The following ITM2B variants were observed in gnomAD, a reference collection of about 807,000 sequenced individuals.
The protein encoded by ITM2B is integral membrane protein 2B, also known as ABri/ADan amyloid peptide.
ITM2B carries 11 observed loss-of-function variants against 27.8 expected under a neutral mutation model. The observed-to-expected ratio is 0.40, with a 90% CI of 0.25 to 0.66. The LOEUF is 0.66. Ranked by LOEUF, ITM2B falls within the 30% of genes least tolerant of loss-of-function variation. The probability of loss-of-function intolerance (pLI) is 0.43; values close to 1 mark genes in which losing one functional copy is unlikely to be tolerated. For synonymous variants in ITM2B, 114 were observed against 114.3 expected (o/e 1.00, Z 0.02); for missense variants, 296 against 328.9 (o/e 0.90, Z 0.77).
intron 1 of ITM2B, among the ~76,000 whole-genome samples, chr13:48,238,695 A>G (rs527244628): frequency 6.6e-6 from 1 of 152,306 alleles, no homozygotes; most frequent in South Asian, 2.1e-4. Context: ...GGTGGTGGAT[A>G]TTTTGTACTT....
Position 48,261,927 on chromosome 13 carries a change from A to C in ITM2B, c.*703A>C, listed in dbSNP as rs558422474. 1 of 152,696 alleles carries C rather than the reference A, an allele frequency of 6.5e-6. No individual in the cohort carries two copies. Among genetic ancestry groups the C allele is most frequent in the African/African-American group, 2.4e-5 (1 of 41,566 alleles). The allele number at this position is 152,696 out of a possible 1,614,324, so 9.5% of individuals were successfully genotyped here. Reference sequence around the variant, plus strand: ...AAACCAAAGAATAGTTTGGTTCTTCAAATCTTAAGAGAATCCACATAAAAG... The same window carrying C: ...AAACCAAAGAATAGTTTGGTTCTTCCAATCTTAAGAGAATCCACATAAAAG... On this transcript the variant is annotated 3_prime_UTR_variant, in exon 6 of 6. Coordinates refer to ENST00000647800, the MANE Select transcript of ITM2B (RefSeq NM_021999.5).
At chr13:48,260,871 A>G (rs1020272667) in intron 5 of ITM2B, among the ~76,000 whole-genome samples, 1 of 152,154 alleles carries the variant, frequency 6.6e-6, no homozygotes, top group Non-Finnish European at 1.5e-5. Context: ...GTCAAGATAC[A>G]GAACATTTTC....
At chr13:48,259,487 C>T (rs1329604256) in intron 5 of ITM2B, among the ~76,000 whole-genome samples, 1 of 152,110 alleles carries the variant, frequency 6.6e-6, no homozygotes, top group Non-Finnish European at 1.5e-5. Context: ...ACAGTATCTC[C>T]CCATTTCCTT....
At chr13:48,251,028 T>C (rs980714552) in intron 1 of ITM2B, among the ~76,000 whole-genome samples, 1 of 152,210 alleles carries the variant, frequency 6.6e-6, no homozygotes, top group Non-Finnish European at 1.5e-5. Context: ...CTCAAGAAAT[T>C]GAATTTTAAA....
intron 5 of ITM2B, among the ~76,000 whole-genome samples, chr13:48,260,712 A>G (rs9332302): frequency 0.028 from 4,261 of 151,982 alleles, 196 homozygotes; most frequent in African/African-American, 0.097. Flanking sequence ...TTTCTTTTTT[A>G]TTGCTGTGTT....
chr13:48,252,897 A>C (rs1395779368), intron 1 of ITM2B, among the ~76,000 whole-genome samples: 1 of 152,224 alleles, frequency 6.6e-6, no homozygotes, highest in Non-Finnish European at 1.5e-5. Context: ...CTTGGGTACA[A>C]ATCAGAAATT....
intron 1 of ITM2B, among the ~76,000 whole-genome samples, chr13:48,248,043 A>G (rs1403159970): frequency 6.6e-6 from 1 of 152,172 alleles, no homozygotes; most frequent in African/African-American, 2.4e-5. Context: ...TAGGCCAGGT[A>G]AAGTTATATA....
chr13:48,246,768 A>G (rs1184040350), intron 1 of ITM2B, among the ~76,000 whole-genome samples: 1 of 152,198 alleles, frequency 6.6e-6, no homozygotes, highest in Non-Finnish European at 1.5e-5. Flanking sequence ...GTCTCCAAGT[A>G]GAGAGAAAAA....
In ITM2B at chr13:48,263,111, T is replaced by TA. The variant is rs1431377322; in HGVS notation, c.*1888dup. The TA allele has an allele frequency of 5.3e-5, 8 of 152,200 alleles. No homozygotes were observed. The highest frequency in any genetic ancestry group is 1.9e-4 in the African/African-American group (8 of 41,444). 9.4% of individuals were successfully genotyped at this position (152,200 alleles called of 1,614,324 possible). ...CTCCAGACTCCCAGGGACCCAAACTTACACTTTACTAAATGTAATTCTTTC... is the reference window on the plus strand; with the variant it reads ...CTCCAGACTCCCAGGGACCCAAACTTAACACTTTACTAAATGTAATTCTTTC... On this transcript the variant is annotated 3_prime_UTR_variant, in exon 6 of 6. Transcript: ENST00000647800.
In ITM2B at chr13:48,258,687, G is replaced by T. The variant is rs544226712; in HGVS notation, c.565-110G>T. 91 of 1,000,986 alleles carry T rather than the reference G, an allele frequency of 9.1e-5. 3 individuals are homozygous for T. The South Asian group carries it at 9.5e-4, about 10-fold the overall frequency. The allele number at this position is 1,000,986 out of a possible 1,614,324, so 62.0% of individuals were successfully genotyped here. ...ATAAACAAACAGATGGTGGGTAGTAGTTTGGCAACCTGTTCCATACCATAA... is the reference window on the plus strand; with the variant it reads ...ATAAACAAACAGATGGTGGGTAGTATTTTGGCAACCTGTTCCATACCATAA... On this transcript the variant is annotated intron_variant, in intron 4 of 5. Transcript: ENST00000647800.
rs1295175099 is a variant in ITM2B, at chr13:48,269,851, T to C, written c.*8627T>C. The C allele has an allele frequency of 6.6e-6, 1 of 152,300 alleles. No homozygotes were observed. Among genetic ancestry groups the C allele is most frequent in the Non-Finnish European group, 1.5e-5 (1 of 68,088 alleles). The allele number at this position is 152,300 out of a possible 1,614,324, so 9.4% of individuals were successfully genotyped here. A position where few individuals can be genotyped will look rare whatever the true frequency, so the allele number is the denominator to read the frequency against. ...GATTAGCACAATGCAGGCCAGACCA[T>C]GAAGACTGTTTCAAGTTCGAGGATG... On this transcript the variant is annotated 3_prime_UTR_variant, in exon 6 of 6. Coordinates refer to ENST00000647800, the MANE Select transcript of ITM2B (RefSeq NM_021999.5).
chr13:48,248,335 T>C (rs1011365691), intron 1 of ITM2B, among the ~76,000 whole-genome samples: 2 of 152,030 alleles, frequency 1.3e-5, no homozygotes, highest in African/African-American at 4.8e-5. Context: ...AGGATCTTGC[T>C]ATGTTGCCCA....
intron 1 of ITM2B, among the ~76,000 whole-genome samples, chr13:48,241,139 T>A (rs917692596): frequency 6.6e-6 from 1 of 152,220 alleles, no homozygotes; most frequent in African/African-American, 2.4e-5. Context: ...TGGCCTGGCA[T>A]CCTTGTACTG....
At chr13:48,258,266 T>G in intron 4 of ITM2B, 30 bp downstream of exon 4, 3 of 1,053,886 alleles carry the variant, frequency 2.8e-6, no homozygotes, top group Non-Finnish European at 3.0e-6. Flanking sequence ...TTTTGATGAA[T>G]GATGCCTTCA....
chr13:48,236,475 G>A (rs372968927), intron 1 of ITM2B, among the ~76,000 whole-genome samples: 3 of 152,172 alleles, frequency 2.0e-5, no homozygotes, highest in African/African-American at 7.2e-5. Context: ...CAGATGGCCT[G>A]TAAGGATTCT....
intron 1 of ITM2B, among the ~76,000 whole-genome samples, chr13:48,244,487 A>G (rs929440635): frequency 1.3e-5 from 2 of 152,216 alleles, no homozygotes; most frequent in African/African-American, 2.4e-5. Context: ...TATTTTTTCT[A>G]GTAGTCATCT....
chr13:48,264,635 T>C lies in ITM2B; in HGVS notation c.*3411T>C, dbSNP rs1327170435. On this transcript the variant is annotated 3_prime_UTR_variant, in exon 6 of 6. Transcript: ENST00000647800. Reference sequence around the variant, plus strand: ...TATTGCACACTAATCTTTGCATGTTTAACTCTTTGGGACTTAGGTTCCTAG... The same window carrying C: ...TATTGCACACTAATCTTTGCATGTTCAACTCTTTGGGACTTAGGTTCCTAG... 1 of 152,218 alleles carries C rather than the reference T, an allele frequency of 6.6e-6. No individual in the cohort carries two copies. Among genetic ancestry groups the C allele is most frequent in the Non-Finnish European group, 1.5e-5 (1 of 68,028 alleles). The allele number at this position is 152,218 out of a possible 1,614,324, so 9.4% of individuals were successfully genotyped here.
At position 48,241,802 on chromosome 13, in the gene ITM2B, C is replaced by T. The variant is rs530408309; in HGVS notation, c.117+8325C>T. 4.6e-5 allele frequency among the ~76,000 whole-genome samples: 7 copies of T among 152,222 alleles called. No individual in the cohort carries two copies. The South Asian group carries it at 1.2e-3, about 27-fold the overall frequency. On this transcript the variant is annotated intron_variant, in intron 1 of 5. Transcript: ENST00000647800. ...ATGGTGCTTAGCTTCTGGAAAATTG[C>T]ACTGTACAATTTTTATTGTATATAA...
intron 1 of ITM2B, among the ~76,000 whole-genome samples, chr13:48,246,043 G>A (rs961419000): frequency 6.6e-6 from 1 of 152,162 alleles, no homozygotes; most frequent in Non-Finnish European, 1.5e-5. Flanking sequence ...CTCCCAAAGT[G>A]TTGGGATTAC....
Sources: gnomAD v4.1 joint callset for allele counts (sites outside exome capture counted in the v4.1 genomes callset) on GRCh38, gnomAD v4.1.1 for gene constraint, MANE v1.5 for transcripts, NCBI Gene and HGNC (gene_info 2026-07-23, HGNC 2026-07-21) for gene names.